The following PLXNC1 variants were observed in gnomAD, a reference collection of about 807,000 sequenced individuals.
PLXNC1 encodes plexin-C1.
Under a neutral mutation model 178.2 loss-of-function variants are expected in PLXNC1, and 75 were observed. The ratio of observed to expected loss-of-function variants is 0.42; its 90% CI spans 0.35 to 0.51. The LOEUF (loss-of-function observed/expected upper bound fraction) is 0.51. Ranked by LOEUF, PLXNC1 falls within the 20% of genes least tolerant of loss-of-function variation. PLXNC1 has a pLI of 0.02. For synonymous variants in PLXNC1, 790 were observed against 779.9 expected, an observed-to-expected ratio of 1.01 and a Z score of -0.22; for missense variants, 1,503 against 1,984.4, an observed-to-expected ratio of 0.76 and a Z score of 4.61.
At chr12:94,293,603 G>C (rs749178729) in intron 23 of PLXNC1, among the ~76,000 whole-genome samples, 13 of 152,140 alleles carry the variant, frequency 8.5e-5, no homozygotes, top group Non-Finnish European at 1.8e-4. Flanking sequence ...GGACCAGCAA[G>C]CTCTGCTGTC....
intron 1 of PLXNC1, among the ~76,000 whole-genome samples, chr12:94,150,258 G>A (rs1208407151): frequency 1.3e-5 from 2 of 152,198 alleles, no homozygotes; most frequent in African/African-American, 2.4e-5. Flanking sequence ...TGTAAAAAGG[G>A]GGGCGGGGAG....
chr12:94,155,636 C>A (rs1348983423), intron 1 of PLXNC1, among the ~76,000 whole-genome samples: 1 of 152,148 alleles, frequency 6.6e-6, no homozygotes, highest in African/African-American at 2.4e-5. Context: ...AAAGACTTGC[C>A]ATTTTTGGGC....
In PLXNC1 at chr12:94,260,930, G is replaced by T; in HGVS notation, c.3450+90G>T. 1 of 1,090,300 alleles carries T rather than the reference G, an allele frequency of 9.2e-7. No homozygotes were observed. The highest frequency in any genetic ancestry group is 2.0e-5 in the Admixed American group (1 of 50,870). The allele number at this position is 1,090,300 out of a possible 1,614,324, so 67.5% of individuals were successfully genotyped here. On this transcript the variant is annotated intron_variant, in intron 20 of 30. Coordinates refer to ENST00000258526, the MANE Select transcript of PLXNC1 (RefSeq NM_005761.3). This position sits in a 1 kb window ranked among gnomAD's most constrained non-coding sequence, Gnocchi z 4.4. Reference sequence around the variant, plus strand: ...TGATGCCTTTGCCAGGATAAATCCTGAATGCTCGATGGTGTCAGCACTTAA... The same window carrying T: ...TGATGCCTTTGCCAGGATAAATCCTTAATGCTCGATGGTGTCAGCACTTAA...
intron 20 of PLXNC1, among the ~76,000 whole-genome samples, chr12:94,261,620 C>T (rs1964989856): frequency 1.3e-5 from 2 of 152,224 alleles, no homozygotes; most frequent in Admixed American, 6.5e-5. Context: ...ACTCGATCTT[C>T]ACCCAGCCCT....
intron 5 of PLXNC1, among the ~76,000 whole-genome samples, chr12:94,212,269 G>A (rs1452976843): frequency 2.0e-4 from 12 of 61,232 alleles, no homozygotes; most frequent in Non-Finnish European, 2.5e-4. Flanking sequence ...GCGAGACTCC[G>A]TCTCAAAAAA....
chr12:94,271,075 T>C (rs1015390402), intron 21 of PLXNC1, among the ~76,000 whole-genome samples: 9 of 152,344 alleles, frequency 5.9e-5, no homozygotes, highest in African/African-American at 2.2e-4. Context: ...GAATTTTCTT[T>C]CTTGTTTCTT....
intron 10 of PLXNC1, among the ~76,000 whole-genome samples, chr12:94,239,051 G>A (rs911728133): frequency 1.3e-5 from 2 of 152,058 alleles, no homozygotes; most frequent in African/African-American, 4.8e-5. Flanking sequence ...GTAGTTTTTC[G>A]GAGCATTACC....
rs1364419374 is a variant in PLXNC1, at chr12:94,279,718, C to T, written c.3775+69C>T. ...GTCCCTCCCTGCCTGCCCTCCCTCC[C>T]TGTCCCCCCTCCCTGCCCCCACCAG... On this transcript the variant is annotated intron_variant, in intron 22 of 30. Transcript: ENST00000258526. 4 of 1,342,892 alleles carry T rather than the reference C, an allele frequency of 3.0e-6. No individual in the cohort carries two copies. In the African/African-American group the frequency reaches 5.1e-5, roughly 17 times the overall value. The allele number at this position is 1,342,892 out of a possible 1,614,324, so 83.2% of individuals were successfully genotyped here. A position where few individuals can be genotyped will look rare whatever the true frequency, so the allele number is the denominator to read the frequency against.
Position 94,253,211 on chromosome 12 carries a change from G to GAAAAAA in PLXNC1, c.2882-1554_2882-1549dup, listed in dbSNP as rs35584186. On this transcript the variant is annotated intron_variant, in intron 15 of 30. Coordinates refer to ENST00000258526, the MANE Select transcript of PLXNC1 (RefSeq NM_005761.3). ...GGCCACAGAACAAGACTCCGTCTCA[G>GAAAAAA]AAAAAAAAAAAAAAAAAAAAAAAAA... 6.7e-4 allele frequency among the ~76,000 whole-genome samples: 28 copies of GAAAAAA among 42,024 alleles called. 4 individuals carry two copies. The highest frequency in any genetic ancestry group is 9.3e-4 in the Non-Finnish European group (17 of 18,378). 27.6% of individuals were successfully genotyped at this position (42,024 alleles called of 152,430 possible). A position where few individuals can be genotyped will look rare whatever the true frequency, so the allele number is the denominator to read the frequency against.
chr12:94,206,168 A>G (rs1963291398), intron 4 of PLXNC1, among the ~76,000 whole-genome samples: 1 of 152,230 alleles, frequency 6.6e-6, no homozygotes, highest in Non-Finnish European at 1.5e-5. Flanking sequence ...ACTGTATATA[A>G]AGACTTTCTA....
At chr12:94,163,426 T>C (rs888593664) in intron 1 of PLXNC1, among the ~76,000 whole-genome samples, 2 of 152,158 alleles carry the variant, frequency 1.3e-5, no homozygotes, top group Non-Finnish European at 2.9e-5. Context: ...TCATATACTT[T>C]TGTAAATTAT....
At chr12:94,185,778 T>C (rs1962486677) in intron 3 of PLXNC1, among the ~76,000 whole-genome samples, 1 of 152,244 alleles carries the variant, frequency 6.6e-6, no homozygotes. Context: ...AAACTCCTGC[T>C]GACACTCCTG....
chr12:94,282,574 T>G (rs12424676), intron 23 of PLXNC1, among the ~76,000 whole-genome samples, 173 bp downstream of exon 23: 15,976 of 152,228 alleles, frequency 0.1, 990 homozygotes, highest in Admixed American at 0.16. Flanking sequence ...CATGAAGGGC[T>G]CTCACAGTGT....
At chr12:94,268,970 A>C (rs1055842344) in intron 21 of PLXNC1, among the ~76,000 whole-genome samples, 2 of 152,068 alleles carry the variant, frequency 1.3e-5, no homozygotes, top group Non-Finnish European at 2.9e-5. Flanking sequence ...TTGTTGATGG[A>C]GTATCTCAGA....
intron 22 of PLXNC1, among the ~76,000 whole-genome samples, chr12:94,281,573 T>A (rs907673584): frequency 6.8e-6 from 1 of 146,566 alleles, no homozygotes; most frequent in Non-Finnish European, 1.5e-5. Flanking sequence ...GTTTTTTATA[T>A]GCAACTTAAA....
chr12:94,288,444 G>A (rs1163013026), intron 23 of PLXNC1, among the ~76,000 whole-genome samples: 1 of 152,216 alleles, frequency 6.6e-6, no homozygotes, highest in East Asian at 1.9e-4. Context: ...CAGTCTCAGG[G>A]CTATCACTAA....
intron 6 of PLXNC1, among the ~76,000 whole-genome samples, chr12:94,222,851 C>T (rs1439065263): frequency 2.0e-5 from 3 of 152,160 alleles, no homozygotes; most frequent in African/African-American, 7.2e-5. Context: ...AGTGTCTGTT[C>T]AGAGGCTTTT....
intron 1 of PLXNC1, among the ~76,000 whole-genome samples, chr12:94,155,016 A>G (rs1264614047): frequency 6.6e-6 from 1 of 152,000 alleles, no homozygotes; most frequent in African/African-American, 2.4e-5. Flanking sequence ...TCCCTTAATC[A>G]TTGTCTTTTT....
chr12:94,156,552 A>G (rs1961173452), intron 1 of PLXNC1, among the ~76,000 whole-genome samples: 1 of 148,964 alleles, frequency 6.7e-6, no homozygotes, highest in African/African-American at 2.5e-5. Context: ...ATCTCGGCTC[A>G]CTGCAACTAC....
Sources: gnomAD v4.1 joint callset for allele counts (sites outside exome capture counted in the v4.1 genomes callset) on GRCh38, gnomAD v4.1.1 for gene constraint, Gnocchi (gnomAD v3.1) non-coding constraint, MANE v1.5 for transcripts, NCBI Gene and HGNC (gene_info 2026-07-23, HGNC 2026-07-21) for gene names.